The following RASGRP3 variants were observed in gnomAD, a reference collection of about 807,000 sequenced individuals.
RASGRP3 encodes ras guanyl-releasing protein 3.
RASGRP3 carries 54 observed loss-of-function variants against 82.7 expected under a neutral mutation model. The ratio of observed to expected loss-of-function variants is 0.65; its 90% CI spans 0.52 to 0.82. The LOEUF (loss-of-function observed/expected upper bound fraction) is 0.82. RASGRP3 is among the 40% of genes least tolerant of loss of function. The pLI is 0.00. For missense variants in RASGRP3, 861 were observed against 828.9 expected (o/e 1.04, Z -0.48); for synonymous variants, 309 against 300.5 (o/e 1.03, Z -0.29).
intron 13 of RASGRP3, among the ~76,000 whole-genome samples, chr2:33,544,435 T>A (rs1674550284): frequency 6.6e-6 from 1 of 152,176 alleles, no homozygotes; most frequent in South Asian, 2.1e-4. Flanking sequence ...AGAAAAAATA[T>A]ATTGCTTTTT....
chr2:33,553,689 C>T (rs1031478276), intron 14 of RASGRP3, among the ~76,000 whole-genome samples: 1 of 152,168 alleles, frequency 6.6e-6, no homozygotes, highest in East Asian at 1.9e-4. Flanking sequence ...GATAATCCTT[C>T]CTGTCCCTAA....
intron 15 of RASGRP3, among the ~76,000 whole-genome samples, chr2:33,556,916 C>G (rs1676035685): frequency 2.7e-5 from 4 of 147,582 alleles, no homozygotes; most frequent in Admixed American, 2.7e-4. Flanking sequence ...CACACACACA[C>G]ACACACACAC....
intron 1 of RASGRP3, among the ~76,000 whole-genome samples, chr2:33,438,462 T>G (rs11888301): frequency 0.047 from 7,169 of 151,518 alleles, 272 homozygotes; most frequent in African/African-American, 0.11. Context: ...CTTGGGAGGC[T>G]GAGGCAGAAG....
intron 1 of RASGRP3, among the ~76,000 whole-genome samples, chr2:33,497,723 G>T (rs548735017): frequency 6.6e-6 from 1 of 152,042 alleles, no homozygotes; most frequent in African/African-American, 2.4e-5. Context: ...AGTACTTTCG[G>T]TATGTGTTTA....
intron 2 of RASGRP3, among the ~76,000 whole-genome samples, chr2:33,471,267 CT>C (rs1667044610): frequency 6.6e-6 from 1 of 151,740 alleles, no homozygotes; most frequent in Non-Finnish European, 1.5e-5. Flanking sequence ...CTTTGATCCC[CT>C]AGGCTCAAGT....
At chr2:33,443,970 C>A (rs660839) in intron 1 of RASGRP3, among the ~76,000 whole-genome samples, 1 of 152,038 alleles carries the variant, frequency 6.6e-6, no homozygotes, top group African/African-American at 2.4e-5. Flanking sequence ...GACCACATTT[C>A]AAAAAATAAA....
intron 12 of RASGRP3, among the ~76,000 whole-genome samples, chr2:33,542,161 A>G (rs1385498071): frequency 6.8e-6 from 1 of 147,222 alleles, no homozygotes; most frequent in Non-Finnish European, 1.5e-5. Flanking sequence ...GTTTGGAGGT[A>G]ATTTATTTTG....
intron 1 of RASGRP3, among the ~76,000 whole-genome samples, chr2:33,495,402 G>C (rs1265047881): frequency 6.6e-6 from 1 of 152,148 alleles, no homozygotes; most frequent in Non-Finnish European, 1.5e-5. Context: ...GGTCCTGTGA[G>C]AATCTAACGC....
chr2:33,460,616 G>A (rs1211242838), intron 2 of RASGRP3, among the ~76,000 whole-genome samples: 1 of 151,516 alleles, frequency 6.6e-6, no homozygotes, highest in Admixed American at 6.6e-5. Flanking sequence ...CCGTGTTCAA[G>A]CAATTCTCCT....
At chr2:33,478,381 G>A (rs1263763338) in intron 1 of RASGRP3, among the ~76,000 whole-genome samples, 1 of 152,108 alleles carries the variant, frequency 6.6e-6, no homozygotes, top group African/African-American at 2.4e-5. Flanking sequence ...CTGACTGCTG[G>A]GGGAGGGGGT....
chr2:33,491,451 C>G (rs1254146534), intron 1 of RASGRP3, among the ~76,000 whole-genome samples: 2 of 151,038 alleles, frequency 1.3e-5, no homozygotes, highest in Admixed American at 6.6e-5. Flanking sequence ...AATACTTAAT[C>G]TTTTTGTATT....
At chr2:33,548,360 CAAAAAA>C (rs775598057) in intron 13 of RASGRP3, among the ~76,000 whole-genome samples, 2 of 78,744 alleles carry the variant, frequency 2.5e-5, no homozygotes, top group African/African-American at 5.2e-5. Context: ...GACTCCGTCT[CAAAAAA>C]AAAAAAAAAA....
intron 15 of RASGRP3, 68 bp from the exon 16 acceptor site, chr2:33,558,143 G>C (rs1676216433): frequency 6.4e-7 from 1 of 1,561,136 alleles, no homozygotes; most frequent in South Asian, 1.2e-5. Context: ...GACAAATCAA[G>C]TGCCACCCTG....
intron 1 of RASGRP3, among the ~76,000 whole-genome samples, chr2:33,508,788 G>A (rs1670648345): frequency 6.6e-6 from 1 of 152,206 alleles, no homozygotes; most frequent in Non-Finnish European, 1.5e-5. Context: ...GTTTTTTATT[G>A]TTGTTGTTTT....
intron 4 of RASGRP3, among the ~76,000 whole-genome samples, chr2:33,518,851 C>T (rs146678191): frequency 1.2e-4 from 18 of 150,414 alleles, no homozygotes; most frequent in African/African-American, 3.9e-4. Flanking sequence ...TGGAAGGTGT[C>T]TGCAAGAGCA....
At chr2:33,488,322 C>T (rs1468515476) in intron 1 of RASGRP3, among the ~76,000 whole-genome samples, 3 of 152,180 alleles carry the variant, frequency 2.0e-5, no homozygotes, top group African/African-American at 7.2e-5. Context: ...AGAGCTGGTA[C>T]TAGAACAAAT....
At chr2:33,503,768 TAC>T (rs1251836008) in intron 1 of RASGRP3, among the ~76,000 whole-genome samples, 1 of 152,216 alleles carries the variant, frequency 6.6e-6, no homozygotes, top group Non-Finnish European at 1.5e-5. Flanking sequence ...GATAACATAG[TAC>T]AGTTTCTCTT....
intron 13 of RASGRP3, among the ~76,000 whole-genome samples, chr2:33,549,141 G>T (rs1675130722): frequency 6.6e-6 from 1 of 152,138 alleles, no homozygotes; most frequent in Non-Finnish European, 1.5e-5. Context: ...ACTAAGATAT[G>T]AGTGAAAATA....
intron 6 of RASGRP3, among the ~76,000 whole-genome samples, chr2:33,521,754 A>G (rs77592099): frequency 0.019 from 2,869 of 152,234 alleles, 43 homozygotes; most frequent in Middle Eastern, 0.034. Context: ...TGCAAAACCT[A>G]CCCTGTCTGG....
Sources: allele counts gnomAD v4.1 joint callset (sites outside exome capture counted in the v4.1 genomes callset), GRCh38; gene constraint gnomAD v4.1.1; transcripts MANE v1.5; gene names NCBI Gene and HGNC (gene_info 2026-07-23, HGNC 2026-07-21).